TMTC1: variants seen among roughly 807,000 people sequenced by gnomAD.
TMTC1 encodes the protein protein O-mannosyl-transferase TMTC1.
TMTC1 carries 73 observed loss-of-function variants against 104.8 expected under a neutral mutation model. The observed-to-expected ratio is 0.70, with a 90% CI of 0.58 to 0.85. The LOEUF (loss-of-function observed/expected upper bound fraction) is 0.85, where lower values mean the gene tolerates loss of function less well. TMTC1 is among the 40% of genes least tolerant of loss of function. The pLI is 0.00. For missense variants in TMTC1, 1,035 were observed against 1,096.1 expected (o/e 0.94, Z 0.79); for synonymous variants, 434 against 428.7 (o/e 1.01, Z -0.15).
At chr12:29,694,068 C>G (rs183896674) in intron 5 of TMTC1, among the ~76,000 whole-genome samples, 1 of 152,272 alleles carries the variant, frequency 6.6e-6, no homozygotes, top group Admixed American at 6.5e-5. Flanking sequence ...CAGCTTAATA[C>G]TGGCATTGTT....
chr12:29,772,725 A>G (rs1765178961), intron 1 of TMTC1, among the ~76,000 whole-genome samples: 1 of 152,168 alleles, frequency 6.6e-6, no homozygotes, highest in Admixed American at 6.5e-5. Flanking sequence ...AAAGAAGTAT[A>G]ATGACAACCC....
intron 1 of TMTC1, among the ~76,000 whole-genome samples, chr12:29,777,383 C>T (rs566707864): frequency 4.6e-5 from 7 of 152,180 alleles, no homozygotes; most frequent in South Asian, 2.1e-4. Context: ...CATGAGCCAC[C>T]GTGCCCGACC....
intron 5 of TMTC1, among the ~76,000 whole-genome samples, chr12:29,698,355 TC>T (rs1253511885): frequency 6.6e-6 from 1 of 152,180 alleles, no homozygotes; most frequent in Non-Finnish European, 1.5e-5. Context: ...GGGTGATCAC[TC>T]CTCTGTGATT....
At chr12:29,561,503 G>A (rs1945376582) in intron 9 of TMTC1, among the ~76,000 whole-genome samples, 1 of 152,158 alleles carries the variant, frequency 6.6e-6, no homozygotes, top group Admixed American at 6.5e-5. Flanking sequence ...GAAAAGCACA[G>A]TACTATGGAA....
Position 29,783,878 on chromosome 12 carries a change from C to A in TMTC1, c.-127G>T. The A allele has an allele frequency of 5.5e-6, 5 of 912,304 alleles. No homozygotes were observed. Among genetic ancestry groups the A allele is most frequent in the Non-Finnish European group, 6.7e-6 (5 of 749,090 alleles). The allele number at this position is 912,304 out of a possible 1,614,324, so 56.5% of individuals were successfully genotyped here. A position where few individuals can be genotyped will look rare whatever the true frequency, so the allele number is the denominator to read the frequency against. On this transcript the variant is annotated 5_prime_UTR_variant, in exon 1 of 18. Transcript: ENST00000539277. The surrounding 1 kb of genome is among the most constrained non-coding windows in gnomAD (Gnocchi z 4.7). ...GGGCATGGTGCTGCGGCAGCTGGAC[C>A]CGCCGCGAGCTCCCCGCGCTCCGCC...
chr12:29,696,689 T>C (rs952421815), intron 5 of TMTC1, among the ~76,000 whole-genome samples: 5 of 152,218 alleles, frequency 3.3e-5, no homozygotes, highest in African/African-American at 9.6e-5. Flanking sequence ...GGTTATGTTT[T>C]CCTAGGACCA....
intron 9 of TMTC1, among the ~76,000 whole-genome samples, chr12:29,570,565 C>T (rs1437291889): frequency 6.6e-6 from 1 of 152,036 alleles, no homozygotes; most frequent in Non-Finnish European, 1.5e-5. Flanking sequence ...CATATTAGGC[C>T]AGGTGTGGTG....
chr12:29,760,425 A>G (rs1264983071), intron 2 of TMTC1, among the ~76,000 whole-genome samples: 1 of 152,204 alleles, frequency 6.6e-6, no homozygotes, highest in East Asian at 1.9e-4. Context: ...AAAAATATCA[A>G]TGGATGCTAA....
chr12:29,568,821 G>A (rs1463124295), intron 9 of TMTC1: 1 of 431,782 alleles, frequency 2.3e-6, no homozygotes, highest in East Asian at 7.1e-5. Flanking sequence ...AGGAAGGGCT[G>A]ACTTGTTGGG....
chr12:29,766,655 G>A (rs1412176379), intron 2 of TMTC1, among the ~76,000 whole-genome samples: 3 of 152,064 alleles, frequency 2.0e-5, no homozygotes, highest in Non-Finnish European at 2.9e-5. Flanking sequence ...ATGAGCAGAG[G>A]GCAACTGAGA....
chr12:29,643,415 GA>G (rs1360582824), intron 5 of TMTC1, among the ~76,000 whole-genome samples: 1 of 64,344 alleles, frequency 1.6e-5, no homozygotes, highest in Non-Finnish European at 3.2e-5. Flanking sequence ...ATCAATCAAC[GA>G]GTGGATAAAC....
At chr12:29,682,445 C>T (rs1940951440) in intron 5 of TMTC1, among the ~76,000 whole-genome samples, 1 of 152,058 alleles carries the variant, frequency 6.6e-6, no homozygotes, top group Admixed American at 6.6e-5. Context: ...CTCATGGCAG[C>T]TTTAGTTGTA....
chr12:29,576,379 A>C (rs1276443386), intron 8 of TMTC1, among the ~76,000 whole-genome samples: 1 of 152,188 alleles, frequency 6.6e-6, no homozygotes, highest in Non-Finnish European at 1.5e-5. Flanking sequence ...ATATGGAAAC[A>C]ACCTGAGTGT....
At chr12:29,515,782 T>C (rs1943968443) in intron 15 of TMTC1, among the ~76,000 whole-genome samples, 1 of 150,660 alleles carries the variant, frequency 6.6e-6, no homozygotes, top group Admixed American at 6.6e-5. Context: ...TACCACTTTA[T>C]TTCTGATGCC....
intron 5 of TMTC1, among the ~76,000 whole-genome samples, chr12:29,682,298 G>A (rs753617154): frequency 7.9e-5 from 12 of 152,236 alleles, no homozygotes; most frequent in East Asian, 1.9e-4. Context: ...CTATATTACC[G>A]TGAGTCACTC....
chr12:29,773,286 T>C (rs1410343524), intron 1 of TMTC1, among the ~76,000 whole-genome samples: 3 of 151,760 alleles, frequency 2.0e-5, no homozygotes, highest in African/African-American at 7.3e-5. Flanking sequence ...CCAAAGGGGG[T>C]TGTGGGGTGG....
chr12:29,771,784 G>A (rs190785367), intron 1 of TMTC1, among the ~76,000 whole-genome samples: 26 of 152,236 alleles, frequency 1.7e-4, no homozygotes, highest in African/African-American at 5.3e-4. Flanking sequence ...GATGCTAAGG[G>A]GGGAGGGAAG....
chr12:29,701,503 C>T (rs1941593498), intron 5 of TMTC1, among the ~76,000 whole-genome samples: 2 of 152,164 alleles, frequency 1.3e-5, no homozygotes, highest in Non-Finnish European at 1.5e-5. Flanking sequence ...GAGACTCTTC[C>T]TAACTTCCCC....
In TMTC1 at chr12:29,655,928, T is replaced by C. The variant is rs7306392; in HGVS notation, c.939-22592A>G. ...CTACTTTAAAATAAGAAACAATACT[T>C]GCAAGACAGTAGCAAAAATGCAACT... On this transcript the variant is annotated intron_variant, in intron 5 of 17. Transcript: ENST00000539277. Among the ~76,000 whole-genome samples the C allele has an allele frequency of 6.7e-3, 1,018 of 152,228 alleles. 15 individuals are homozygous for C. The highest frequency in any genetic ancestry group is 0.024 in the African/African-American group (983 of 41,532).
Sources: gnomAD v4.1 joint callset for allele counts (sites outside exome capture counted in the v4.1 genomes callset) on GRCh38, gnomAD v4.1.1 for gene constraint, Gnocchi (gnomAD v3.1) non-coding constraint, MANE v1.5 for transcripts, NCBI Gene and HGNC (gene_info 2026-07-23, HGNC 2026-07-21) for gene names.